SRSF11: variants seen among roughly 807,000 people sequenced by gnomAD.
SRSF11 encodes the protein serine and arginine rich splicing factor 11, also known as serine/arginine-rich splicing factor 11.
Under a neutral mutation model 56.0 loss-of-function variants are expected in SRSF11, and 9 were observed. That is an observed-to-expected ratio of 0.16 (90% CI 0.10 to 0.28). The LOEUF is 0.28. SRSF11 is among the 10% of genes least tolerant of loss of function. The pLI is 1.00. For missense variants in SRSF11, 421 were observed against 600.7 expected, an observed-to-expected ratio of 0.70 and a Z score of 3.13; for synonymous variants, 222 against 215.3, an observed-to-expected ratio of 1.03 and a Z score of -0.27.
At chr1:70,223,303 A>G (rs1000472314) in intron 1 of SRSF11, among the ~76,000 whole-genome samples, 1 of 152,216 alleles carries the variant, frequency 6.6e-6, no homozygotes. Context: ...GCTGACTTTT[A>G]AATGCTGTTT....
chr1:70,246,800 A>G lies in SRSF11; in HGVS notation c.933-18A>G. ...GCTGAGTCTTCTAATGCATTCATAA[A>G]TTGTGTTCATTTGTTAGAGACAAAA... is the stretch of plus-strand genomic sequence containing the variant. On this transcript the variant is annotated intron_variant, in intron 8 of 11. Transcript: ENST00000370949. The G allele has an allele frequency of 6.4e-7, 1 of 1,572,630 alleles. No individual in the cohort carries two copies. Among genetic ancestry groups the G allele is most frequent in the Non-Finnish European group, 8.7e-7 (1 of 1,150,816 alleles).
chr1:70,214,452 TCTGA>T lies in SRSF11; in HGVS notation c.-25-7157_-25-7154del, dbSNP rs369291790. 4.5e-3 allele frequency among the ~76,000 whole-genome samples: 685 copies of T among 152,300 alleles called. 4 individuals are homozygous for T. The highest frequency in any genetic ancestry group is 0.016 in the African/African-American group (663 of 41,566). ...GATGCAAGCACCAGAATCTTAATGC[TCTGA>T]CTACTACTTTTTTCCTCTATTTAAT... On this transcript the variant is annotated intron_variant, in intron 1 of 12. Transcript: ENST00000370950.
At chr1:70,237,397 C>T in intron 5 of SRSF11, 28 bp from the exon 6 acceptor site, 3 of 1,607,064 alleles carry the variant, frequency 1.9e-6, no homozygotes, top group South Asian at 2.2e-5. Flanking sequence ...TAAAATATTT[C>T]AGATCCCATT....
rs34375598 is a variant in SRSF11, at chr1:70,246,262, TA to T, written c.933-544del. On this transcript the variant is annotated intron_variant, in intron 8 of 11. Coordinates refer to ENST00000370949, the MANE Select transcript of SRSF11 (RefSeq NM_001350605.2). ...AGGAGTAAAAATTTATAGGAATCTG[TA>T]AAAAAAAAAAATTGAGTTACGGCTG... is the stretch of plus-strand genomic sequence containing the variant. Among the ~76,000 whole-genome samples the T allele has an allele frequency of 3.1e-3, 450 of 146,014 alleles. 4 individuals carry two copies. The highest frequency in any genetic ancestry group is 0.011 in the Middle Eastern group (3 of 282).
At position 70,221,547 on chromosome 1, in the gene SRSF11, C is replaced by T; in HGVS notation, c.-90C>T. On this transcript the variant is annotated 5_prime_UTR_variant, in exon 1 of 12. Coordinates refer to ENST00000370949, the MANE Select transcript of SRSF11 (RefSeq NM_001350605.2). ...GCTGTAGCATCGGACACCCTCCTCT[C>T]TCCCGCAATCCGGTTCCTCTTCCCC... The T allele has an allele frequency of 1.3e-6, 2 of 1,502,658 alleles. No individual in the cohort carries two copies. The highest frequency in any genetic ancestry group is 1.8e-6 in the Non-Finnish European group (2 of 1,119,114). 93.1% of individuals were successfully genotyped at this position (1,502,658 alleles called of 1,614,324 possible).
chr1:70,225,054 C>G (rs1327007435), intron 1 of SRSF11, among the ~76,000 whole-genome samples: 2 of 152,226 alleles, frequency 1.3e-5, no homozygotes, highest in South Asian at 2.1e-4. Context: ...CAAGTTGTGA[C>G]TCTCCTTTAC....
rs902392066 is a variant in SRSF11, at chr1:70,250,023, T to C, written c.1094T>C (p.Leu365Ser). 1.2e-6 allele frequency: 2 copies of C among 1,613,806 alleles called. No individual in the cohort carries two copies. The highest frequency in any genetic ancestry group is 1.7e-6 in the Non-Finnish European group (2 of 1,179,898). Reference protein sequence around the residue: ...PKKPRSPKRKLSRSPSPRRHK... With the variant: ...PKKPRSPKRKSSRSPSPRRHK... Reference sequence around the variant, plus strand: ...AAGCCTCGGTCTCCTAAAAGAAAATTGTCCCGCTCACCATCCCCTAGGAGG... The same window carrying C: ...AAGCCTCGGTCTCCTAAAAGAAAATCGTCCCGCTCACCATCCCCTAGGAGG... Residue 365 changes from leucine to serine, a missense_variant, in exon 10 of 12, where the codon TTG (leucine) becomes TCG (serine). Transcript: ENST00000370949.
chr1:70,243,217 A>G (rs1253584783), intron 7 of SRSF11, among the ~76,000 whole-genome samples: 1 of 151,840 alleles, frequency 6.6e-6, no homozygotes, highest in Non-Finnish European at 1.5e-5. Flanking sequence ...AAATCCATCT[A>G]TACCAGAATC....
At chr1:70,234,638 C>T (rs1673552900) in intron 3 of SRSF11, 58 bp from the exon 4 acceptor site, 1 of 1,390,664 alleles carries the variant, frequency 7.2e-7, no homozygotes, top group Admixed American at 2.2e-5. Context: ...AAAGTATTAA[C>T]CCCTGGTATA....
rs890308181 is a variant in SRSF11 at position 70,252,301 on chromosome 1, T to A, written c.*1496T>A. On this transcript the variant is annotated 3_prime_UTR_variant, in exon 12 of 12. Coordinates refer to ENST00000370949, the MANE Select transcript of SRSF11 (RefSeq NM_001350605.2). ...CAAATCCCACCTATATCTAGCAAAT[T>A]TATATTTTCGGTGAAATACAGATAT... 2 of 152,090 alleles carry A rather than the reference T, an allele frequency of 1.3e-5. No homozygotes were observed. Among genetic ancestry groups the A allele is most frequent in the Non-Finnish European group, 1.5e-5 (1 of 67,974 alleles). 9.4% of individuals were successfully genotyped at this position (152,090 alleles called of 1,614,324 possible).
At chr1:70,229,701 G>C (rs2100718177) in intron 2 of SRSF11, 2 of 985,124 alleles carry the variant, frequency 2.0e-6, no homozygotes, top group South Asian at 4.7e-5. Flanking sequence ...TGAAATCTTT[G>C]AAAACAAATG....
In SRSF11 at chr1:70,250,002, C is replaced by T. The variant is rs146940702; in HGVS notation, c.1073C>T (p.Pro358Leu). The T allele has an allele frequency of 2.0e-4, 318 of 1,613,926 alleles. No individual in the cohort carries two copies. The highest frequency in any genetic ancestry group is 2.6e-4 in the Non-Finnish European group (308 of 1,179,976). Residue 358 changes from proline (P) to leucine (L), a missense_variant, in exon 10 of 12, where the codon CCT (proline) becomes CTT (leucine). This residue lies in a region of SRSF11 where 253 missense variants were observed against 305.8 expected (regional missense o/e 0.83). Coordinates refer to ENST00000370949, the MANE Select transcript of SRSF11 (RefSeq NM_001350605.2). ...AGTGGCACAAGATCTCCTAAAAAGCCTCGGTCTCCTAAAAGAAAATTGTCC... is the reference window on the plus strand; with the variant it reads ...AGTGGCACAAGATCTCCTAAAAAGCTTCGGTCTCCTAAAAGAAAATTGTCC... ...SRSGTRSPKK[P>L]RSPKRKLSRS... is the part of the protein sequence containing the mutation.
intron 7 of SRSF11, among the ~76,000 whole-genome samples, chr1:70,243,450 C>T (rs1050699471): frequency 3.3e-5 from 5 of 150,500 alleles, no homozygotes; most frequent in African/African-American, 1.2e-4. Flanking sequence ...CACTAAGGCA[C>T]CGAGCTAGAC....
At chr1:70,213,407 C>A (rs1280993910) in intron 1 of SRSF11, among the ~76,000 whole-genome samples, 1 of 152,126 alleles carries the variant, frequency 6.6e-6, no homozygotes, top group African/African-American at 2.4e-5. Context: ...CCACAAAAAA[C>A]CTGTGTTAAA....
intron 1 of SRSF11, among the ~76,000 whole-genome samples, chr1:70,212,943 T>C (rs1282363497): frequency 6.8e-6 from 1 of 147,374 alleles, no homozygotes; most frequent in Non-Finnish European, 1.5e-5. Context: ...TCCCAGCTAC[T>C]GGGGGGGTGG....
intron 9 of SRSF11, among the ~76,000 whole-genome samples, chr1:70,247,628 C>T (rs1374648550): frequency 1.3e-5 from 2 of 152,052 alleles, no homozygotes; most frequent in Non-Finnish European, 2.9e-5. Flanking sequence ...AAAAGTGAAT[C>T]TTTAAGACCA....
At chr1:70,229,123 A>G in intron 2 of SRSF11, 1 of 1,231,956 alleles carries the variant, frequency 8.1e-7, no homozygotes, top group Non-Finnish European at 1.0e-6. Flanking sequence ...TTTATGCCAG[A>G]TTTTCTTGTT....
intron 2 of SRSF11, chr1:70,229,913 G>A (rs1672539161): frequency 1.0e-6 from 1 of 985,208 alleles, no homozygotes; most frequent in Non-Finnish European, 1.2e-6. Context: ...AAATTTTTGA[G>A]TTAGTGTGTT....
intron 7 of SRSF11, 134 bp from the exon 8 acceptor site, chr1:70,244,546 ATAAT>A: frequency 3.3e-6 from 3 of 922,144 alleles, no homozygotes; most frequent in Non-Finnish European, 4.8e-6. Flanking sequence ...TATGGGCTAA[ATAAT>A]AGCAAATGGA....
Sources: allele counts gnomAD v4.1 joint callset (sites outside exome capture counted in the v4.1 genomes callset), GRCh38; gene constraint gnomAD v4.1.1; regional missense constraint gnomAD v4.1.1; transcripts MANE v1.5; gene names NCBI Gene and HGNC (gene_info 2026-07-23, HGNC 2026-07-21).